TXNL4B: variants seen among roughly 807,000 people sequenced by gnomAD.
TXNL4B encodes thioredoxin-like protein 4B.
TXNL4B carries 12 observed loss-of-function variants against 13.0 expected under a neutral mutation model. That is an observed-to-expected ratio of 0.92 (90% CI 0.59 to 1.49). TXNL4B has a LOEUF of 1.49. Among genes scored for constraint, TXNL4B ranks in the 40% most tolerant of loss-of-function variants. The pLI, the probability that TXNL4B is intolerant of heterozygous loss-of-function variation, is 0.00. For missense variants in TXNL4B, 214 were observed against 173.6 expected (o/e 1.23, Z -1.31); for synonymous variants, 59 against 58.9 (o/e 1.00, Z -0.01).
rs1240396605 is a variant in TXNL4B at position 72,085,027 on chromosome 16, A to C, written c.*1610T>G. 3 of 398,582 alleles carry C rather than the reference A, an allele frequency of 7.5e-6. No individual in the cohort carries two copies. In the East Asian group the frequency reaches 1.1e-4, roughly 14 times the overall value. The allele number at this position is 398,582 out of a possible 1,614,324, so 24.7% of individuals were successfully genotyped here. On this transcript the variant is annotated 3_prime_UTR_variant, in exon 4 of 4. Transcript: ENST00000268483. Reference sequence around the variant, plus strand: ...GACCTAAGATGGCTGTTGTAGCTCCATGCATCATGATTAAACCAGAGACAG... The same window carrying C: ...GACCTAAGATGGCTGTTGTAGCTCCCTGCATCATGATTAAACCAGAGACAG...
intron 1 of TXNL4B, among the ~76,000 whole-genome samples, chr16:72,091,751 G>A (rs1265968450): frequency 1.3e-5 from 2 of 152,092 alleles, no homozygotes; most frequent in African/African-American, 4.8e-5. Context: ...CTCATTACAC[G>A]GCAAACAGAT....
rs1567595637 is a variant in TXNL4B at position 72,086,760 on chromosome 16, T to C, written c.327A>G (p.Lys109=). Residue 109 remains lysine (K), a synonymous_variant, in exon 4 of 4, where the codon AAA becomes AAG. Coordinates refer to ENST00000268483, the MANE Select transcript of TXNL4B (RefSeq NM_017853.3). Reference sequence around the variant, plus strand: ...CTTCAATCAAATCTATGAAGTCTTGTTTGGTTTTGAAGCTTCCCACAAACT... The same window carrying C: ...CTTCAATCAAATCTATGAAGTCTTGCTTGGTTTTGAAGCTTCCCACAAACT... ...HTKFVGSFKT[K]QDFIDLIEVI... 1 of 1,613,408 alleles carries C rather than the reference T, an allele frequency of 6.2e-7. No individual in the cohort carries two copies.
rs754726953 is a variant in TXNL4B, at chr16:72,089,107, A to T, written c.164T>A (p.Met55Lys). The T allele has an allele frequency of 6.2e-7, 1 of 1,613,040 alleles. No homozygotes were observed. The highest frequency in any genetic ancestry group is 1.7e-5 in the Admixed American group (1 of 60,008). The change falls in exon 3 of 4, where the codon ATG becomes AAG. Residue 55 changes from methionine to lysine, a missense_variant. Met to Lys is a moderately conservative substitution (Grantham distance 95). Transcript: ENST00000268483. ...LSKTSSDLSK[M>K]AAIYLVDVDQ... ...CACATCTACCAGGTATATAGCAGCC[A>T]TTTTACTTAAGTCAGAAGAGGTCTT...
At chr16:72,089,265 G>A in intron 2 of TXNL4B, 127 bp from the exon 3 acceptor site, 1 of 720,808 alleles carries the variant, frequency 1.4e-6, no homozygotes, top group Non-Finnish European at 2.3e-6. Context: ...CAGCCCATGT[G>A]GCTCCCACAT....
upstream of TXNL4B, chr16:72,093,979 T>G (rs1270958005): frequency 6.6e-6 from 1 of 152,506 alleles, no homozygotes; most frequent in African/African-American, 2.4e-5. Context: ...CTTGAGCCTG[T>G]CTGAGCGAGG....
chr16:72,091,532 T>A (rs562528757), intron 1 of TXNL4B, among the ~76,000 whole-genome samples: 1 of 152,362 alleles, frequency 6.6e-6, no homozygotes, highest in African/African-American at 2.4e-5. Flanking sequence ...GCACACACAC[T>A]TTATCTACTC....
chr16:72,087,768 G>A (rs984561616), intron 3 of TXNL4B, among the ~76,000 whole-genome samples: 9 of 151,984 alleles, frequency 5.9e-5, no homozygotes, highest in South Asian at 2.1e-4. Context: ...GGGCTCAAGC[G>A]AATCTCCTGC....
intron 3 of TXNL4B, 132 bp downstream of exon 3, chr16:72,088,855 T>G: frequency 1.8e-6 from 1 of 570,034 alleles, no homozygotes. Context: ...AATTAGAGAG[T>G]GCGTCAATTG....
Position 72,089,002 on chromosome 16 carries a change from A to T in TXNL4B, c.269T>A (p.Met90Lys). The change falls in exon 3 of 4, where the codon ATG becomes AAG. Residue 90 changes from methionine (M) to lysine (K), a missense_variant. Physicochemically the swap from Met to Lys is moderately conservative, Grantham distance 95. Coordinates refer to ENST00000268483, the MANE Select transcript of TXNL4B (RefSeq NM_017853.3). ...CTGCACTTACCCATAATCCACTTTC[A>T]TATGCTGCCCATTGAAGAAAAAGAC... ...STVFFFNGQHMKVDYGSPDHT... is the reference protein window; with the variant it reads ...STVFFFNGQHKKVDYGSPDHT... 5 of 1,609,992 alleles carry T rather than the reference A, an allele frequency of 3.1e-6. No homozygotes were observed. The highest frequency in any genetic ancestry group is 4.2e-6 in the Non-Finnish European group (5 of 1,176,990).
At position 72,085,348 on chromosome 16, in the gene TXNL4B, A is replaced by G. The variant is rs1052761167; in HGVS notation, c.*1289T>C. On this transcript the variant is annotated 3_prime_UTR_variant, in exon 4 of 4. Coordinates refer to ENST00000268483, the MANE Select transcript of TXNL4B (RefSeq NM_017853.3). ...AGGCAGGTCACAAGCTGCCTCACCC[A>G]TGGCTCTCCAGCTCTGCACCTACCC... The G allele has an allele frequency of 3.3e-5, 8 of 244,584 alleles. No individual in the cohort carries two copies. The highest frequency in any genetic ancestry group is 5.6e-5 in the Admixed American group (1 of 17,994). 15.2% of individuals were successfully genotyped at this position (244,584 alleles called of 1,614,324 possible).
chr16:72,090,549 C>T (rs1207182389), intron 2 of TXNL4B, 69 bp downstream of exon 2: 1 of 1,515,074 alleles, frequency 6.6e-7, no homozygotes, highest in Non-Finnish European at 9.1e-7. Context: ...CTCTCATGTA[C>T]TACTCAGATG....
intron 1 of TXNL4B, among the ~76,000 whole-genome samples, chr16:72,092,583 G>A (rs1175984404): frequency 1.3e-5 from 2 of 152,172 alleles, no homozygotes; most frequent in East Asian, 1.9e-4. Context: ...AGAGAAGACG[G>A]ATCTGTCCCA....
At position 72,093,403 on chromosome 16, in the gene TXNL4B, G is replaced by C. The variant is rs2041949153; in HGVS notation, c.-74C>G. 1 of 152,346 alleles carries C rather than the reference G, an allele frequency of 6.6e-6. No homozygotes were observed. Among genetic ancestry groups the C allele is most frequent in the Non-Finnish European group, 1.5e-5 (1 of 68,154 alleles). 9.4% of individuals were successfully genotyped at this position (152,346 alleles called of 1,614,324 possible). A position where few individuals can be genotyped will look rare whatever the true frequency, so the allele number is the denominator to read the frequency against. ...ACGCCGCCTCACTCCCTTTCACTTT[G>C]TGGCTGTCAGCAACCACTTCTCGGA... On this transcript the variant is annotated 5_prime_UTR_variant, in exon 1 of 4. Coordinates refer to ENST00000268483, the MANE Select transcript of TXNL4B (RefSeq NM_017853.3).
intron 3 of TXNL4B, among the ~76,000 whole-genome samples, chr16:72,088,333 A>G (rs906270408): frequency 6.6e-6 from 1 of 152,260 alleles, no homozygotes; most frequent in Non-Finnish European, 1.5e-5. Context: ...ACAGATCTAG[A>G]TAAGTGGACA....
chr16:72,087,326 T>TTG (rs71391437), intron 3 of TXNL4B: 29,564 of 141,630 alleles, frequency 0.21, 3,017 homozygotes, highest in South Asian at 0.34. Context: ...CCTTCCAATC[T>TTG]TGTGTGTGTG....
At position 72,086,630 on chromosome 16, in the gene TXNL4B, T is replaced by A. The variant is rs768694835; in HGVS notation, c.*7A>T. The A allele has an allele frequency of 6.2e-7, 1 of 1,607,948 alleles. No homozygotes were observed. The highest frequency in any genetic ancestry group is 1.7e-4 in the Middle Eastern group (1 of 6,030). On this transcript the variant is annotated 3_prime_UTR_variant, in exon 4 of 4. Coordinates refer to ENST00000268483, the MANE Select transcript of TXNL4B (RefSeq NM_017853.3). ...CTTCTTCTTCATCTTTGACAGCAAT[T>A]AATGTACTAAATGTCTTGATAGAGA...
At chr16:72,090,513 G>A (rs74029840) in intron 2 of TXNL4B, 105 bp downstream of exon 2, 36,898 of 1,178,016 alleles carry the variant, frequency 0.031, 696 homozygotes, top group East Asian at 0.05. Flanking sequence ...CAAATGAACA[G>A]CTATATACCC....
chr16:72,092,367 C>T (rs76139748), intron 1 of TXNL4B, among the ~76,000 whole-genome samples: 17 of 151,684 alleles, frequency 1.1e-4, no homozygotes, highest in African/African-American at 3.9e-4. Flanking sequence ...GAGCTAGGAT[C>T]GCTCCACTGC....
At chr16:72,088,243 C>T (rs1329411347) in intron 3 of TXNL4B, among the ~76,000 whole-genome samples, 2 of 152,240 alleles carry the variant, frequency 1.3e-5, no homozygotes, top group Admixed American at 6.5e-5. Flanking sequence ...GGATTACAGG[C>T]GTGAGCCACT....
Sources: gnomAD v4.1 joint callset for allele counts (sites outside exome capture counted in the v4.1 genomes callset) on GRCh38, gnomAD v4.1.1 for gene constraint, MANE v1.5 for transcripts, NCBI Gene and HGNC (gene_info 2026-07-23, HGNC 2026-07-21) for gene names.